DDHD1: variants seen among roughly 807,000 people sequenced by gnomAD.
DDHD1 encodes the protein DDHD domain containing 1.
In DDHD1, 49 loss-of-function variants were observed where a neutral mutation model predicts 96.4. The ratio of observed to expected loss-of-function variants is 0.51; its 90% confidence interval spans 0.40 to 0.64. The LOEUF (loss-of-function observed/expected upper bound fraction) is 0.64, where lower values mean the gene tolerates loss of function less well. Among genes scored for constraint, DDHD1 ranks in the 30% least tolerant of loss-of-function variants. The pLI, the probability that DDHD1 is intolerant of heterozygous loss-of-function variation, is 0.00. For missense variants in DDHD1, 1,106 were observed against 1,161.2 expected (o/e 0.95, Z 0.69); for synonymous variants, 442 against 446.5 (o/e 0.99, Z 0.13).
At chr14:53,051,776 T>A in intron 12 of DDHD1, 68 bp downstream of exon 12, 1 of 1,299,442 alleles carries the variant, frequency 7.7e-7, no homozygotes, top group Non-Finnish European at 1.1e-6. Context: ...AATTTTTCAA[T>A]AAGCAGAAGA....
At chr14:53,126,461 G>A (rs61985113) in intron 1 of DDHD1, among the ~76,000 whole-genome samples, 1,899 of 152,166 alleles carry the variant, frequency 0.012, 12 homozygotes, top group Non-Finnish European at 0.018. Flanking sequence ...TCGACTTCCC[G>A]GGCTCAGGTA....
At chr14:53,074,260 A>G (rs1291673521) in intron 4 of DDHD1, among the ~76,000 whole-genome samples, 1 of 151,862 alleles carries the variant, frequency 6.6e-6, no homozygotes, top group African/African-American at 2.4e-5. Context: ...ATATTAAGAT[A>G]CTATAAAATT....
intron 4 of DDHD1, among the ~76,000 whole-genome samples, chr14:53,084,644 T>G (rs1176431270): frequency 1.3e-5 from 2 of 152,178 alleles, no homozygotes; most frequent in Non-Finnish European, 2.9e-5. Flanking sequence ...AAAAGTTGAA[T>G]TGTGAGGTCT....
At chr14:53,100,588 T>C (rs1479227854) in intron 2 of DDHD1, among the ~76,000 whole-genome samples, 2 of 152,116 alleles carry the variant, frequency 1.3e-5, no homozygotes, top group African/African-American at 2.4e-5. Context: ...AGGGGGTACC[T>C]AAAACCAATC....
rs1032658235 is a variant in DDHD1 at position 53,042,933 on chromosome 14, C to T, written c.*3835G>A. 2.6e-5 allele frequency: 4 copies of T among 152,232 alleles called. No individual in the cohort carries two copies. Among genetic ancestry groups the T allele is most frequent in the African/African-American group, 9.6e-5 (4 of 41,532 alleles). 9.4% of individuals were successfully genotyped at this position (152,232 alleles called of 1,614,324 possible). On this transcript the variant is annotated 3_prime_UTR_variant, in exon 13 of 13. Transcript: ENST00000673822. ...ATTAGTTTTCTCGATTGTCCACATG[C>T]CTTACTCATTAATTAGCTGAGAAGA...
At chr14:53,127,091 A>T (rs1237805638) in intron 1 of DDHD1, among the ~76,000 whole-genome samples, 1 of 152,212 alleles carries the variant, frequency 6.6e-6, no homozygotes, top group East Asian at 1.9e-4. Context: ...ATGTTTTTTT[A>T]AAAAAGCAGA....
At chr14:53,104,189 C>G (rs1020347682) in intron 1 of DDHD1, among the ~76,000 whole-genome samples, 2 of 152,230 alleles carry the variant, frequency 1.3e-5, no homozygotes, top group African/African-American at 4.8e-5. Flanking sequence ...GAGATGTGAC[C>G]ACCTTGGCCT....
At chr14:53,078,167 A>G (rs1368315927) in intron 4 of DDHD1, among the ~76,000 whole-genome samples, 3 of 152,152 alleles carry the variant, frequency 2.0e-5, no homozygotes, top group Non-Finnish European at 2.9e-5. Flanking sequence ...TGGCTCATAC[A>G]CTAACTTTAA....
intron 4 of DDHD1, among the ~76,000 whole-genome samples, chr14:53,079,047 G>A (rs749718170): frequency 6.6e-6 from 1 of 151,782 alleles, no homozygotes; most frequent in Non-Finnish European, 1.5e-5. Context: ...TGTATTCCTG[G>A]ATAAATCCCA....
intron 5 of DDHD1, among the ~76,000 whole-genome samples, chr14:53,073,045 A>T (rs1025561425): frequency 6.6e-6 from 1 of 152,026 alleles, no homozygotes; most frequent in Non-Finnish European, 1.5e-5. Flanking sequence ...GTGTCAAAAC[A>T]CAATCCCAAA....
At chr14:53,128,746 G>A (rs1889645702) in intron 1 of DDHD1, among the ~76,000 whole-genome samples, 1 of 152,160 alleles carries the variant, frequency 6.6e-6, no homozygotes, top group Non-Finnish European at 1.5e-5. Context: ...ACTGCATAAT[G>A]TCAGGCCTCT....
At chr14:53,050,183 T>C (rs1882413148) in intron 12 of DDHD1, among the ~76,000 whole-genome samples, 1 of 152,154 alleles carries the variant, frequency 6.6e-6, no homozygotes, top group South Asian at 2.1e-4. Context: ...GAGGAGGATT[T>C]GGACATGTAG....
At chr14:53,101,785 G>A (rs1309220660) in intron 2 of DDHD1, among the ~76,000 whole-genome samples, 1 of 151,926 alleles carries the variant, frequency 6.6e-6, no homozygotes, top group Non-Finnish European at 1.5e-5. Context: ...TAGCATTTAG[G>A]CAGGAAGCAG....
At chr14:53,094,217 A>G (rs190458227) in intron 2 of DDHD1, among the ~76,000 whole-genome samples, 130 of 152,216 alleles carry the variant, frequency 8.5e-4, no homozygotes, top group Admixed American at 3.5e-3. Context: ...ACTAGACAAA[A>G]TAAGACTCAG....
chr14:53,063,297 T>C lies in DDHD1; in HGVS notation c.1504-92A>G, dbSNP rs1018393990. 34 of 1,397,138 alleles carry C rather than the reference T, an allele frequency of 2.4e-5. No homozygotes were observed. The African/African-American group carries it at 3.3e-4, about 14-fold the overall frequency. The allele number at this position is 1,397,138 out of a possible 1,614,324, so 86.5% of individuals were successfully genotyped here. A position where few individuals can be genotyped will look rare whatever the true frequency, so the allele number is the denominator to read the frequency against. On this transcript the variant is annotated intron_variant, in intron 6 of 12. Coordinates refer to ENST00000673822, the MANE Select transcript of DDHD1 (RefSeq NM_001160148.2). ...TCAAATACATTAAGGTAGAAAAACATACATTACCGATCAAATATACCTAGG... is the reference window on the plus strand; with the variant it reads ...TCAAATACATTAAGGTAGAAAAACACACATTACCGATCAAATATACCTAGG...
At position 53,055,817 on chromosome 14, in the gene DDHD1, T is replaced by A; in HGVS notation, c.2088A>T (p.Glu696Asp). 6.2e-7 allele frequency: 1 copy of A among 1,614,030 alleles called. No individual in the cohort carries two copies. The highest frequency in any genetic ancestry group is 8.5e-7 in the Non-Finnish European group (1 of 1,179,974). The change falls in exon 10 of 13, where the codon GAA becomes GAT. Residue 696 changes from glutamate (E) to aspartate (D), a missense_variant. This residue lies in a region of DDHD1 where 650 missense variants were observed against 758.8 expected (regional missense o/e 0.86). Coordinates refer to ENST00000673822, the MANE Select transcript of DDHD1 (RefSeq NM_001160148.2). ...WYNTSNPLPY[E>D]HMKPSFLNPA... ...GGTTGAGAAAGCTTGGCTTCATATG[T>A]TCATAAGGTAAAGGATTTGAAGTAT...
intron 8 of DDHD1, 50 bp downstream of exon 8, chr14:53,061,076 T>TA (rs746392087): frequency 8.7e-5 from 131 of 1,504,648 alleles, no homozygotes; most frequent in Middle Eastern, 1.7e-4. Flanking sequence ...CACATGACGT[T>TA]AAAAAAAATA....
intron 1 of DDHD1, among the ~76,000 whole-genome samples, chr14:53,131,531 C>T (rs189839777): frequency 1.3e-5 from 2 of 152,234 alleles, no homozygotes; most frequent in East Asian, 3.9e-4. Context: ...TTATTCTGTT[C>T]TGGATCTCAA....
intron 1 of DDHD1, among the ~76,000 whole-genome samples, chr14:53,114,142 C>T (rs1211526912): frequency 1.3e-5 from 2 of 152,226 alleles, no homozygotes; most frequent in South Asian, 4.1e-4. Flanking sequence ...CGGGGCAAAG[C>T]GGCTGTCACC....
Sources: gnomAD v4.1 joint callset for allele counts (sites outside exome capture counted in the v4.1 genomes callset) on GRCh38, gnomAD v4.1.1 for gene constraint, gnomAD v4.1.1 regional missense constraint, MANE v1.5 for transcripts, NCBI Gene and HGNC (gene_info 2026-07-23, HGNC 2026-07-21) for gene names.